The following ADRA1D variants were observed in gnomAD, a reference collection of about 807,000 sequenced individuals.
ADRA1D encodes adrenoceptor alpha 1D.
A neutral mutation model predicts 18.6 loss-of-function variants in ADRA1D; 22 were observed. That is an observed-to-expected ratio of 1.19 (90% confidence interval 0.85 to 1.69). ADRA1D has a LOEUF of 1.69. Among genes scored for constraint, ADRA1D ranks in the 40% most tolerant of loss-of-function variants. ADRA1D has a pLI of 0.00. For synonymous variants in ADRA1D, 376 were observed against 388.2 expected, an observed-to-expected ratio of 0.97 and a Z score of 0.37; for missense variants, 840 against 840.7, an observed-to-expected ratio of 1.00 and a Z score of 0.01.
Position 4,221,660 on chromosome 20 carries a change from G to A in ADRA1D, c.1582C>T (p.Arg528Cys). 6.2e-7 allele frequency: 1 copy of A among 1,612,772 alleles called. No individual in the cohort carries two copies. Among genetic ancestry groups the A allele is most frequent in the East Asian group, 2.2e-5 (1 of 44,862 alleles). The change falls in exon 2 of 2, where the codon CGC becomes TGC. Residue 528 changes from arginine to cysteine, a missense_variant. Transcript: ENST00000379453. ...SHKIRAGGAQ[R>C]AEAACAQRSE... ...CGCTGGGCGCACGCTGCCTCTGCGC[G>A]CTGCGCGCCCCCGGCGCGGATCTTG...
At chr20:4,225,482 C>A (rs1387125486) in intron 1 of ADRA1D, among the ~76,000 whole-genome samples, 1 of 129,306 alleles carries the variant, frequency 7.7e-6, no homozygotes, top group South Asian at 2.5e-4. Context: ...GGCTGGACTT[C>A]AGTGGCACGC....
rs1224344766 is a variant in ADRA1D at position 4,248,406 on chromosome 20, G to A, written c.552C>T (p.Ile184=). ...CCACGGAGATGGTGCAGAGGCTGAGGATGGAGGCCGTGCAGCACAGCACGT... is the reference window on the plus strand; with the variant it reads ...CCACGGAGATGGTGCAGAGGCTGAGAATGGAGGCCGTGCAGCACAGCACGT... ...AVDVLCCTAS[I]LSLCTISVDR... The change falls in exon 1 of 2, where the codon ATC becomes ATT. Residue 184 remains isoleucine (I), a synonymous_variant. Transcript: ENST00000379453. The A allele has an allele frequency of 1.2e-6, 2 of 1,610,334 alleles. No individual in the cohort carries two copies. The highest frequency in any genetic ancestry group is 1.7e-6 in the Non-Finnish European group (2 of 1,178,506).
intron 1 of ADRA1D, among the ~76,000 whole-genome samples, chr20:4,224,545 C>T (rs1230279230): frequency 1.3e-5 from 2 of 152,036 alleles, no homozygotes; most frequent in Non-Finnish European, 2.9e-5. Context: ...AAGCAGGGGG[C>T]CAGGGGTGTT....
chr20:4,240,340 A>C (rs1230832730), intron 1 of ADRA1D, among the ~76,000 whole-genome samples: 1 of 152,166 alleles, frequency 6.6e-6, no homozygotes, highest in African/African-American at 2.4e-5. Context: ...GGCAGCCAGC[A>C]ACATTTCAAC....
At chr20:4,225,420 T>TTTTC (rs996838933) in intron 1 of ADRA1D, among the ~76,000 whole-genome samples, 7 of 116,264 alleles carry the variant, frequency 6.0e-5, no homozygotes, top group Admixed American at 2.0e-4. Flanking sequence ...TTACTTTTTT[T>TTTTC]TTTCTTTCTT....
In ADRA1D at chr20:4,248,341, G is replaced by T. The variant is rs763784134; in HGVS notation, c.617C>A (p.Ala206Asp). The change falls in exon 1 of 2, where the codon GCC becomes GAC. Residue 206 changes from alanine (A) to aspartate (D), a missense_variant. Ala to Asp is a moderately radical substitution (Grantham distance 126). Transcript: ENST00000379453. ...VGVRHSLKYP[A>D]IMTERKAAAI... ...GGCCGCCTTGCGCTCGGTCATGATG[G>T]CTGGGTACTTGAGTGAGTGGCGCAC... The T allele has an allele frequency of 6.2e-6, 10 of 1,606,290 alleles. No homozygotes were observed. Among genetic ancestry groups the T allele is most frequent in the East Asian group, 2.2e-5 (1 of 44,564 alleles).
In ADRA1D at chr20:4,247,765, G is replaced by C. The variant is rs889957618; in HGVS notation, c.1111+82C>G. ...GTCAACCTTCTAGGTTCAGGTGGGG[G>C]TCGCCCAAGTCTGGGTGCCAGGAGG... On this transcript the variant is annotated intron_variant, in intron 1 of 1. Coordinates refer to ENST00000379453, the MANE Select transcript of ADRA1D (RefSeq NM_000678.4). 4.3e-6 allele frequency: 6 copies of C among 1,394,478 alleles called. No homozygotes were observed. In the East Asian group the frequency reaches 1.7e-4, roughly 38 times the overall value. The allele number at this position is 1,394,478 out of a possible 1,614,324, so 86.4% of individuals were successfully genotyped here.
In ADRA1D at chr20:4,222,137, G is replaced by A; in HGVS notation, c.1112-7C>T. ...AGCTGCGGGAACAAGGAGCCTGTAG[G>A]GAGCAGAGACCGATACTATTTAGCT... On this transcript the variant is annotated splice_region_variant and splice_polypyrimidine_tract_variant and intron_variant, in intron 1 of 1. Coordinates refer to ENST00000379453, the MANE Select transcript of ADRA1D (RefSeq NM_000678.4). This position sits in a 1 kb window ranked among gnomAD's most constrained non-coding sequence, Gnocchi z 4.3. 6.2e-7 allele frequency: 1 copy of A among 1,611,696 alleles called. No individual in the cohort carries two copies. The highest frequency in any genetic ancestry group is 8.5e-7 in the Non-Finnish European group (1 of 1,179,082).
At chr20:4,236,536 C>T (rs1600849796) in intron 1 of ADRA1D, among the ~76,000 whole-genome samples, 1 of 152,214 alleles carries the variant, frequency 6.6e-6, no homozygotes, top group African/African-American at 2.4e-5. Context: ...GGGGAAGTGG[C>T]AGGCTCGAGG....
At chr20:4,229,806 T>C (rs1487439288) in intron 1 of ADRA1D, among the ~76,000 whole-genome samples, 2 of 151,374 alleles carry the variant, frequency 1.3e-5, no homozygotes, top group East Asian at 3.9e-4. Context: ...CCCTGCCCCC[T>C]GAATCTTTTC....
At chr20:4,228,097 G>GAA (rs1980865279) in intron 1 of ADRA1D, among the ~76,000 whole-genome samples, 1 of 152,012 alleles carries the variant, frequency 6.6e-6, no homozygotes, top group Non-Finnish European at 1.5e-5. Context: ...TCTGTACTTT[G>GAA]ACCTCCTGCC....
Position 4,221,339 on chromosome 20 carries a change from A to G in ADRA1D, c.*184T>C. The stretch of plus-strand genomic sequence containing the variant: ...CCTGAGTCCAGCAGGGGGCCCCACT[A>G]CTTTTCACCTTTCAAGGGCTCCAGC... On this transcript the variant is annotated 3_prime_UTR_variant, in exon 2 of 2. Coordinates refer to ENST00000379453, the MANE Select transcript of ADRA1D (RefSeq NM_000678.4). 2 of 641,062 alleles carry G rather than the reference A, an allele frequency of 3.1e-6. No homozygotes were observed. Among genetic ancestry groups the G allele is most frequent in the Non-Finnish European group, 5.0e-6 (2 of 401,774 alleles). 39.7% of individuals were successfully genotyped at this position (641,062 alleles called of 1,614,324 possible). A position where few individuals can be genotyped will look rare whatever the true frequency, so the allele number is the denominator to read the frequency against.
Position 4,237,836 on chromosome 20 carries a change from G to GTATGTATTTATTTATT in ADRA1D, c.1111+10010_1111+10011insAATAAATAAATACATA, listed in dbSNP as rs1555821623. On this transcript the variant is annotated intron_variant, in intron 1 of 1. Transcript: ENST00000379453. ...ATGCCACCATTCCTGGCTAATTTTTGTATTTATTTATTTATTTATTTATTT... is the reference window on the plus strand; with the variant it reads ...ATGCCACCATTCCTGGCTAATTTTTGTATGTATTTATTTATTTATTTATTTATTTATTTATTTATTT... 4.7e-4 allele frequency among the ~76,000 whole-genome samples: 68 copies of GTATGTATTTATTTATT among 144,696 alleles called. No individual in the cohort carries two copies. The East Asian group carries it at 0.012, about 26-fold the overall frequency. The allele number at this position is 144,696 out of a possible 152,430, so 94.9% of individuals were successfully genotyped here.
chr20:4,221,894 C>T lies in ADRA1D; in HGVS notation c.1348G>A (p.Ala450Thr). 2.0e-6 allele frequency: 3 copies of T among 1,501,366 alleles called. No individual in the cohort carries two copies. The South Asian group carries it at 3.7e-5, about 19-fold the overall frequency. 93.0% of individuals were successfully genotyped at this position (1,501,366 alleles called of 1,614,324 possible). ...ASTSGLRQDC[A>T]PSSGDAPPGA... is the part of the protein sequence containing the mutation. ...GGGGGCGCGTCGCCCGAACTCGGGG[C>T]GCAGTCCTGGCGCAGGCCGCTGGTG... Residue 450 changes from alanine to threonine, a missense_variant, in exon 2 of 2, where the codon GCC (alanine) becomes ACC (threonine). By Grantham distance (58) the Ala-to-Thr change is moderately conservative. Coordinates refer to ENST00000379453, the MANE Select transcript of ADRA1D (RefSeq NM_000678.4).
intron 1 of ADRA1D, among the ~76,000 whole-genome samples, chr20:4,228,493 AAGAATGTATG>A (rs1265499761): frequency 6.6e-6 from 1 of 152,250 alleles, no homozygotes; most frequent in Non-Finnish European, 1.5e-5. Context: ...CAAAGAGTCC[AAGAATGTATG>A]AGGCACCTAC....
chr20:4,220,653 C>T lies in ADRA1D; in HGVS notation c.*870G>A, dbSNP rs1980636794. ...AAGGCAAATGTAGACCCAATCTATT[C>T]TGTTGCGGGCCTTTAGTTCTTGACA... is the stretch of plus-strand genomic sequence containing the variant. On this transcript the variant is annotated 3_prime_UTR_variant, in exon 2 of 2. Transcript: ENST00000379453. 6.6e-6 allele frequency: 1 copy of T among 152,476 alleles called. No individual in the cohort carries two copies. The highest frequency in any genetic ancestry group is 6.5e-5 in the Admixed American group (1 of 15,276). 9.4% of individuals were successfully genotyped at this position (152,476 alleles called of 1,614,324 possible).
chr20:4,230,671 G>C lies in ADRA1D; in HGVS notation c.1112-8541C>G, dbSNP rs573331024. On this transcript the variant is annotated intron_variant, in intron 1 of 1. Transcript: ENST00000379453. ...ACTGTCAGTGGCTTCCTGTGGCTCA[G>C]AGGAATCAATCGAAACATGGTGCTG... is the stretch of plus-strand genomic sequence containing the variant. Among the ~76,000 whole-genome samples, 4 of 152,354 alleles carry C rather than the reference G, an allele frequency of 2.6e-5. No homozygotes were observed. The East Asian group carries it at 5.8e-4, about 22-fold the overall frequency.
At chr20:4,223,433 G>A (rs1980721402) in intron 1 of ADRA1D, among the ~76,000 whole-genome samples, 2 of 152,114 alleles carry the variant, frequency 1.3e-5, no homozygotes, top group African/African-American at 2.4e-5. Context: ...AAGGACCCTC[G>A]AATTAAATGT....
chr20:4,248,478 G>A lies in ADRA1D; in HGVS notation c.480C>T (p.Gly160=). Residue 160 remains glycine (G), a synonymous_variant, in exon 1 of 2, where the codon GGC becomes GGT. Coordinates refer to ENST00000379453, the MANE Select transcript of ADRA1D (RefSeq NM_000678.4). ...LPFSATMEVL[G]FWAFGRAFCD... ...AGAAGGCGCGGCCAAAGGCCCAGAA[G>A]CCCAGAACCTCCATGGTGGCCGAGA... 3 of 1,613,450 alleles carry A rather than the reference G, an allele frequency of 1.9e-6. No homozygotes were observed. The highest frequency in any genetic ancestry group is 2.2e-5 in the East Asian group (1 of 44,856).
Sources: gnomAD v4.1 joint callset for allele counts (sites outside exome capture counted in the v4.1 genomes callset) on GRCh38, gnomAD v4.1.1 for gene constraint, Gnocchi (gnomAD v3.1) non-coding constraint, MANE v1.5 for transcripts, NCBI Gene and HGNC (gene_info 2026-07-23, HGNC 2026-07-21) for gene names.